INTS12: variants seen among roughly 807,000 people sequenced by gnomAD.
The protein encoded by INTS12 is PHD finger protein 22.
INTS12 carries 13 observed loss-of-function variants against 41.6 expected under a neutral mutation model. That is an observed-to-expected ratio of 0.31 (90% confidence interval 0.20 to 0.50). INTS12 has a LOEUF of 0.50. Among genes scored for constraint, INTS12 ranks in the 20% least tolerant of loss-of-function variants. The probability of loss-of-function intolerance (pLI) is 0.98; values close to 1 mark genes in which losing one functional copy is unlikely to be tolerated. For missense variants in INTS12, 432 were observed against 541.6 expected, an observed-to-expected ratio of 0.80 and a Z score of 2.01; for synonymous variants, 199 against 191.4, an observed-to-expected ratio of 1.04 and a Z score of -0.33.
At chr4:105,690,375 GATTT>G (rs1731644260) in intron 6 of INTS12, among the ~76,000 whole-genome samples, 1 of 152,138 alleles carries the variant, frequency 6.6e-6, no homozygotes, top group Non-Finnish European at 1.5e-5. Flanking sequence ...GAGGCAAGGA[GATTT>G]ATTAAGTGGC....
At chr4:105,706,742 C>T (rs1241544293) in intron 1 of INTS12, among the ~76,000 whole-genome samples, 1 of 152,132 alleles carries the variant, frequency 6.6e-6, no homozygotes, top group Non-Finnish European at 1.5e-5. Flanking sequence ...TTCACTGAGT[C>T]TTTCCCTACT....
chr4:105,688,486 A>G (rs1030303934), intron 6 of INTS12, among the ~76,000 whole-genome samples: 6 of 152,218 alleles, frequency 3.9e-5, no homozygotes, highest in African/African-American at 1.4e-4. Flanking sequence ...ACCTACCTTC[A>G]ACATCACTTA....
chr4:105,699,888 C>G lies in INTS12; in HGVS notation c.118G>C (p.Ala40Pro), dbSNP rs1390367442. The G allele has an allele frequency of 6.5e-7, 1 of 1,548,460 alleles. No individual in the cohort carries two copies. Residue 40 changes from alanine (A) to proline (P), a missense_variant, in exon 3 of 8, where the codon GCT (alanine) becomes CCT (proline). Physicochemically the swap from Ala to Pro is conservative, Grantham distance 27. Around this residue, in one of 3 missense-constraint regions of INTS12, gnomAD observed 168 missense variants for 198.9 expected, o/e 0.84. Transcript: ENST00000340139. ...KLKALLDESL[A>P]RGIDSSYRPS... The stretch of plus-strand genomic sequence containing the variant: ...CGGTAACTGGAATCAATGCCCCGAG[C>G]CAAAGATTCATCAAGCAGTGCTTTT...
At chr4:105,695,434 A>G in intron 4 of INTS12, 82 bp downstream of exon 4, 1 of 1,011,056 alleles carries the variant, frequency 9.9e-7, no homozygotes, top group Non-Finnish European at 1.5e-6. Context: ...TATATAAAAG[A>G]AATAGGCATA....
intron 5 of INTS12, among the ~76,000 whole-genome samples, chr4:105,692,989 A>T (rs145728309): frequency 6.6e-6 from 1 of 152,252 alleles, no homozygotes; most frequent in African/African-American, 2.4e-5. Flanking sequence ...CAATCACCAT[A>T]GCCTTAGATT....
intron 5 of INTS12, among the ~76,000 whole-genome samples, chr4:105,693,060 A>C (rs1331760929): frequency 6.6e-6 from 1 of 152,272 alleles, no homozygotes; most frequent in Non-Finnish European, 1.5e-5. Context: ...AAAAATGCAG[A>C]AAATGTTACA....
At chr4:105,701,473 A>C (rs73839003) in intron 2 of INTS12, among the ~76,000 whole-genome samples, 4,360 of 152,114 alleles carry the variant, frequency 0.029, 64 homozygotes, top group Middle Eastern at 0.038. Context: ...TATATACATC[A>C]CCTCTACATA....
At chr4:105,704,135 T>G (rs1361604485) in intron 1 of INTS12, among the ~76,000 whole-genome samples, 1 of 152,202 alleles carries the variant, frequency 6.6e-6, no homozygotes, top group Non-Finnish European at 1.5e-5. Flanking sequence ...TTTTGTACTC[T>G]TTTTCTTCAT....
chr4:105,704,384 C>CT (rs1459558156), intron 1 of INTS12, among the ~76,000 whole-genome samples: 1 of 152,186 alleles, frequency 6.6e-6, no homozygotes, highest in Non-Finnish European at 1.5e-5. Flanking sequence ...AATGTGTTCT[C>CT]TGAGTCAGCA....
At chr4:105,695,388 ACT>A (rs1232534689) in intron 4 of INTS12, 126 bp downstream of exon 4, 1 of 627,222 alleles carries the variant, frequency 1.6e-6, no homozygotes, top group Non-Finnish European at 2.6e-6. Context: ...ATATATATTC[ACT>A]GAGTGTTGAT....
rs114953181 is a variant in INTS12 at position 105,704,253 on chromosome 4, C to T, written c.-171-444G>A. Among the ~76,000 whole-genome samples, 1,522 of 152,248 alleles carry T rather than the reference C, an allele frequency of 1.0e-2. 15 individuals are homozygous for T. The highest frequency in any genetic ancestry group is 0.029 in the Admixed American group (447 of 15,292). ...CTCAGTCAGGTAAACCTAATACATA[C>T]GATTGTCCCTCCTACTTCTTTGTCA... On this transcript the variant is annotated intron_variant, in intron 1 of 7. Coordinates refer to ENST00000340139, the MANE Select transcript of INTS12 (RefSeq NM_020395.4).
chr4:105,691,809 TA>T (rs1464009313), intron 6 of INTS12, among the ~76,000 whole-genome samples, 166 bp downstream of exon 6: 1 of 152,230 alleles, frequency 6.6e-6, no homozygotes, highest in Non-Finnish European at 1.5e-5. Context: ...GTCTGGTCTT[TA>T]GCAATAGAAA....
intron 2 of INTS12, among the ~76,000 whole-genome samples, chr4:105,702,285 G>A (rs189541631): frequency 0.054 from 8,098 of 151,360 alleles, 249 homozygotes; most frequent in Middle Eastern, 0.14. Flanking sequence ...ACAGGCGCCC[G>A]CCACCACACC....
intron 2 of INTS12, among the ~76,000 whole-genome samples, chr4:105,701,135 A>C (rs1732055641): frequency 6.6e-6 from 1 of 151,976 alleles, no homozygotes; most frequent in African/African-American, 2.4e-5. Flanking sequence ...TAGCATATGA[A>C]AGCACATCTG....
chr4:105,690,404 A>C (rs996934057), intron 6 of INTS12, among the ~76,000 whole-genome samples: 8 of 152,214 alleles, frequency 5.3e-5, no homozygotes, highest in Admixed American at 3.9e-4. Flanking sequence ...GCAATAGACA[A>C]GTAATGGATT....
intron 6 of INTS12, among the ~76,000 whole-genome samples, chr4:105,691,034 CTTTT>C (rs1459050173): frequency 2.6e-5 from 4 of 152,152 alleles, no homozygotes; most frequent in African/African-American, 9.7e-5. Flanking sequence ...TCATTTACTA[CTTTT>C]TATTTCATAG....
intron 7 of INTS12, among the ~76,000 whole-genome samples, chr4:105,686,459 G>A (rs1392786113): frequency 6.6e-6 from 1 of 152,034 alleles, no homozygotes; most frequent in Non-Finnish European, 1.5e-5. Context: ...ATGTCATTTT[G>A]GAATGATCAT....
intron 1 of INTS12, chr4:105,708,330 A>C: frequency 1.0e-6 from 1 of 985,598 alleles, no homozygotes; most frequent in Non-Finnish European, 1.2e-6. Flanking sequence ...AGAGACAATG[A>C]GGGAGCTACG....
intron 3 of INTS12, among the ~76,000 whole-genome samples, chr4:105,695,976 C>T (rs1731849670): frequency 6.6e-6 from 1 of 152,142 alleles, no homozygotes; most frequent in Non-Finnish European, 1.5e-5. Context: ...GCCTCAGCCT[C>T]CCGTGTATCT....
Sources: allele counts gnomAD v4.1 joint callset (sites outside exome capture counted in the v4.1 genomes callset), GRCh38; gene constraint gnomAD v4.1.1; regional missense constraint gnomAD v4.1.1; transcripts MANE v1.5; gene names NCBI Gene and HGNC (gene_info 2026-07-23, HGNC 2026-07-21).